The following CACNA1C variants were observed in gnomAD, a reference collection of about 807,000 sequenced individuals.
CACNA1C encodes calcium voltage-gated channel subunit alpha1 C, also known as voltage-dependent L-type calcium channel subunit alpha-1C.
In CACNA1C, 30 loss-of-function variants were observed where a neutral mutation model predicts 229.0. That is an observed-to-expected ratio of 0.13 (90% confidence interval 0.10 to 0.18). The LOEUF (loss-of-function observed/expected upper bound fraction) is 0.18. CACNA1C is among the 10% of genes least tolerant of loss of function. The pLI is 1.00. For synonymous variants in CACNA1C, 1,114 were observed against 1,132.5 expected (o/e 0.98, Z 0.33); for missense variants, 1,658 against 2,845.0 (o/e 0.58, Z 9.49).
At chr12:2,623,286 G>A (rs1227247361) in intron 29 of CACNA1C, among the ~76,000 whole-genome samples, 1 of 151,958 alleles carries the variant, frequency 6.6e-6, no homozygotes, top group East Asian at 1.9e-4. Flanking sequence ...TAGCCTCTCT[G>A]GGTCCCTGCA....
chr12:2,599,828 T>C (rs141048877), intron 21 of CACNA1C, among the ~76,000 whole-genome samples: 1 of 152,340 alleles, frequency 6.6e-6, no homozygotes, highest in African/African-American at 2.4e-5. Context: ...GTTTTCCCCA[T>C]GTCCATTTGC....
At chr12:2,146,480 G>A (rs2094718382) in intron 3 of CACNA1C, among the ~76,000 whole-genome samples, 1 of 151,144 alleles carries the variant, frequency 6.6e-6, no homozygotes, top group African/African-American at 2.4e-5. Flanking sequence ...CAGGTTACTT[G>A]GATAAAAAAT....
In CACNA1C at chr12:2,044,444, T is replaced by C. The variant is rs938005249; in HGVS notation, c.140-70780T>C. On this transcript the variant is annotated intron_variant, in intron 1 of 46. Transcript: ENST00000682462. ...CTAGATGTATTATGGAGCAATGACCTCTCTAGCAGGGCGGTGGTGATTAGT... is the reference window on the plus strand; with the variant it reads ...CTAGATGTATTATGGAGCAATGACCCCTCTAGCAGGGCGGTGGTGATTAGT... 5.3e-5 allele frequency among the ~76,000 whole-genome samples: 8 copies of C among 152,266 alleles called. No individual in the cohort carries two copies. In the South Asian group the frequency reaches 1.7e-3, roughly 32 times the overall value.
Position 2,650,266 on chromosome 12 carries a change from A to G in CACNA1C, c.3946-1374A>G, listed in dbSNP as rs371271000. Among the ~76,000 whole-genome samples the G allele has an allele frequency of 7.9e-5, 12 of 152,244 alleles. No homozygotes were observed. The East Asian group carries it at 1.9e-3, about 25-fold the overall frequency. Reference sequence around the variant, plus strand: ...TCCCTCATAATCTCCTGTCCTGCATAGTGAGGGGAGCGGCCTCTGACGCCT... The same window carrying G: ...TCCCTCATAATCTCCTGTCCTGCATGGTGAGGGGAGCGGCCTCTGACGCCT... On this transcript the variant is annotated intron_variant, in intron 31 of 46. Coordinates refer to ENST00000399655, the MANE Select transcript of CACNA1C (RefSeq NM_000719.7).
chr12:2,135,940 T>A (rs539275555), intron 3 of CACNA1C, among the ~76,000 whole-genome samples: 3 of 149,438 alleles, frequency 2.0e-5, no homozygotes, highest in Admixed American at 6.7e-5. Context: ...CTCAGACTGC[T>A]GTGCTAGCAA....
Position 2,193,529 on chromosome 12 carries a change from C to T in CACNA1C, c.477+73099C>T, listed in dbSNP as rs190579174. On this transcript the variant is annotated intron_variant, in intron 3 of 46. Transcript: ENST00000399655. The stretch of plus-strand genomic sequence containing the variant: ...CCTGTAGAGGCTGGTGTTGAGAGCT[C>T]GCCACCTTTCCTTCTGTTTAGAGGT... 2.2e-4 allele frequency among the ~76,000 whole-genome samples: 34 copies of T among 152,342 alleles called. 2 individuals carry two copies. In the South Asian group the frequency reaches 6.0e-3, roughly 27 times the overall value.
chr12:2,462,044 C>A (rs1376828556), intron 5 of CACNA1C, among the ~76,000 whole-genome samples: 1 of 152,170 alleles, frequency 6.6e-6, no homozygotes, highest in East Asian at 1.9e-4. Flanking sequence ...CCTGCGATCT[C>A]ACGCCTCCTT....
At chr12:2,177,307 G>C (rs529717570) in intron 3 of CACNA1C, among the ~76,000 whole-genome samples, 2 of 152,270 alleles carry the variant, frequency 1.3e-5, no homozygotes, top group South Asian at 4.2e-4. Flanking sequence ...TGTATATGCA[G>C]TGAAAGTAGC....
At chr12:2,276,644 C>T (rs919150728) in intron 3 of CACNA1C, among the ~76,000 whole-genome samples, 12 of 152,218 alleles carry the variant, frequency 7.9e-5, no homozygotes, top group Non-Finnish European at 8.8e-5. Context: ...TTAACAGCTT[C>T]TACACCTTAA....
chr12:2,076,970 G>A (rs1016717855), intron 1 of CACNA1C, among the ~76,000 whole-genome samples: 5 of 152,350 alleles, frequency 3.3e-5, no homozygotes, highest in African/African-American at 1.2e-4. Context: ...TGGCTGGCAC[G>A]TGCCCTGGAG....
intron 1 of CACNA1C, among the ~76,000 whole-genome samples, chr12:2,099,712 C>T (rs1222711947): frequency 2.0e-5 from 3 of 152,066 alleles, no homozygotes; most frequent in East Asian, 1.9e-4. Flanking sequence ...ACTGTGGCCA[C>T]GCCAGTGCCA....
chr12:2,642,310 G>A (rs965623824), intron 30 of CACNA1C, among the ~76,000 whole-genome samples: 5 of 151,972 alleles, frequency 3.3e-5, no homozygotes, highest in African/African-American at 9.7e-5. Context: ...ACCCACATAC[G>A]GCCCTCTGTT....
chr12:2,248,963 G>A (rs777389253), intron 3 of CACNA1C, among the ~76,000 whole-genome samples: 3 of 152,190 alleles, frequency 2.0e-5, no homozygotes, highest in East Asian at 1.9e-4. Context: ...CGTGCCTGGC[G>A]TAAAATAGGC....
chr12:2,584,659 C>G (rs376808039), intron 16 of CACNA1C, 42 bp downstream of exon 16: 1 of 1,313,172 alleles, frequency 7.6e-7, no homozygotes, highest in South Asian at 1.3e-5. Flanking sequence ...TCCAGGGCTC[C>G]CATTGTGGAA....
intron 1 of CACNA1C, among the ~76,000 whole-genome samples, chr12:2,081,583 A>G (rs2065662443): frequency 6.6e-6 from 1 of 152,128 alleles, no homozygotes; most frequent in Non-Finnish European, 1.5e-5. Context: ...AAAAAAAAAA[A>G]AGACATTTTT....
At chr12:2,676,329 G>A (rs576599272) in intron 39 of CACNA1C, 1 of 152,040 alleles carries the variant, frequency 6.6e-6, no homozygotes, top group East Asian at 1.9e-4. Context: ...AGGAGGAGGA[G>A]AACCCTCACC....
chr12:2,245,957 C>T (rs1040225298), intron 3 of CACNA1C, among the ~76,000 whole-genome samples: 1 of 152,148 alleles, frequency 6.6e-6, no homozygotes, highest in Non-Finnish European at 1.5e-5. Flanking sequence ...CTCTAGAAGG[C>T]CCTGCACACA....
At chr12:2,592,658 C>T (rs943281833) in intron 18 of CACNA1C, among the ~76,000 whole-genome samples, 2 of 151,544 alleles carry the variant, frequency 1.3e-5, no homozygotes, top group Non-Finnish European at 2.9e-5. Context: ...CATGAAGGGC[C>T]TGCTGTGGTC....
At chr12:2,011,168 AAAAAG>A (rs1259854666) in intron 1 of CACNA1C, 1 of 151,802 alleles carries the variant, frequency 6.6e-6, no homozygotes, top group Non-Finnish European at 1.5e-5. Context: ...AAAAAAAAAA[AAAAAG>A]AAAGGGAAAA....
Sources: gnomAD v4.1 joint callset for allele counts (sites outside exome capture counted in the v4.1 genomes callset) on GRCh38, gnomAD v4.1.1 for gene constraint, MANE v1.5 for transcripts, NCBI Gene and HGNC (gene_info 2026-07-23, HGNC 2026-07-21) for gene names.